PKHD1: variants seen among roughly 807,000 people sequenced by gnomAD.
The protein encoded by PKHD1 is fibrocystin.
A neutral mutation model predicts 412.0 loss-of-function variants in PKHD1; 291 were observed. The ratio of observed to expected loss-of-function variants is 0.71; its 90% CI spans 0.64 to 0.78. The LOEUF is 0.78. PKHD1 is among the 30% of genes least tolerant of loss of function. The pLI is 0.00. For missense variants in PKHD1, 4,825 were observed against 4,950.7 expected, an observed-to-expected ratio of 0.97 and a Z score of 0.76; for synonymous variants, 1,777 against 1,821.5, an observed-to-expected ratio of 0.98 and a Z score of 0.62.
Position 52,066,060 on chromosome 6 carries a change from GA to G in PKHD1, c.795del (p.Pro266GlnfsTer53). Reference sequence around the variant, plus strand: ...CTTCCCCCAAGGCTCCCAGTTTCTGGAAACACAGATAATATTTCTGCAAGAG... The same window carrying G: ...CTTCCCCCAAGGCTCCCAGTTTCTGGAACACAGATAATATTTCTGCAAGAG... Reference protein sequence around the residue: ...YQTHSEILSVFPETGSLGGRT... With the variant: ...YQTHSEILSVXPETGSLGGRT... On this transcript the variant is annotated frameshift_variant, in exon 12 of 67. Transcript: ENST00000371117. LOFTEE classifies it high-confidence loss of function. 1 of 1,536,516 alleles carries G rather than the reference GA, an allele frequency of 6.5e-7. No homozygotes were observed. The highest frequency in any genetic ancestry group is 9.0e-7 in the Non-Finnish European group (1 of 1,116,316).
At chr6:51,805,409 GA>G (rs1291049562) in intron 52 of PKHD1, among the ~76,000 whole-genome samples, 5 of 152,188 alleles carry the variant, frequency 3.3e-5, no homozygotes, top group Admixed American at 6.5e-5. Flanking sequence ...AAGGGCTGAA[GA>G]GCTACCTATT....
chr6:52,073,374 T>C (rs1437150746), intron 7 of PKHD1, 89 bp downstream of exon 7: 5 of 855,872 alleles, frequency 5.8e-6, no homozygotes, highest in Non-Finnish European at 1.0e-5. Context: ...GCCAACTGCT[T>C]ACAATTTATT....
chr6:51,779,593 C>G (rs112854922), intron 53 of PKHD1, among the ~76,000 whole-genome samples: 221 of 152,146 alleles, frequency 1.5e-3, no homozygotes, highest in African/African-American at 5.1e-3. Flanking sequence ...TTTACCAACC[C>G]TCCTGGAGAA....
chr6:51,732,530 A>G (rs1783352197), intron 60 of PKHD1, among the ~76,000 whole-genome samples: 1 of 152,208 alleles, frequency 6.6e-6, no homozygotes, highest in African/African-American at 2.4e-5. Context: ...ATTAACAATG[A>G]CTCCATGAAA....
intron 52 of PKHD1, among the ~76,000 whole-genome samples, chr6:51,807,152 G>C (rs1444298429): frequency 1.3e-5 from 2 of 151,940 alleles, no homozygotes; most frequent in Admixed American, 6.6e-5. Flanking sequence ...ATCTGGCCAG[G>C]CATGGTGACT....
intron 50 of PKHD1, among the ~76,000 whole-genome samples, chr6:51,841,621 T>C (rs1770225561): frequency 6.6e-6 from 1 of 152,190 alleles, no homozygotes; most frequent in African/African-American, 2.4e-5. Context: ...GAATGTAAAT[T>C]AATTTATTAA....
chr6:51,672,880 A>T (rs2150513283), intron 60 of PKHD1, among the ~76,000 whole-genome samples: 1 of 152,342 alleles, frequency 6.6e-6, no homozygotes, highest in South Asian at 2.1e-4. Flanking sequence ...ACTTAAGTTC[A>T]TGATTTTGAA....
Position 51,952,911 on chromosome 6 carries a change from A to T in PKHD1, c.5908+6959T>A, listed in dbSNP as rs569350875. On this transcript the variant is annotated intron_variant, in intron 36 of 66. Transcript: ENST00000371117. ...CCACAGAGTTGCACACACACAAACA[A>T]CATTAACATCCAGTAGAGGTTTATA... Among the ~76,000 whole-genome samples the T allele has an allele frequency of 2.0e-5, 3 of 152,188 alleles. No homozygotes were observed. In the South Asian group the frequency reaches 6.2e-4, roughly 32 times the overall value.
At chr6:51,786,852 C>A (rs142106272) in intron 53 of PKHD1, among the ~76,000 whole-genome samples, 1 of 152,148 alleles carries the variant, frequency 6.6e-6, no homozygotes, top group Non-Finnish European at 1.5e-5. Flanking sequence ...AAAGAATGGA[C>A]ACACATGTGA....
intron 60 of PKHD1, among the ~76,000 whole-genome samples, chr6:51,693,819 C>T (rs552078126): frequency 6.6e-6 from 1 of 152,240 alleles, no homozygotes; most frequent in African/African-American, 2.4e-5. Flanking sequence ...GCTTTATAAG[C>T]ATTAATTCAT....
intron 60 of PKHD1, among the ~76,000 whole-genome samples, chr6:51,686,167 T>C (rs1472487630): frequency 6.6e-6 from 1 of 152,144 alleles, no homozygotes; most frequent in Non-Finnish European, 1.5e-5. Context: ...AGATTCAAGG[T>C]GAGAAGGTTT....
At chr6:52,004,819 T>C (rs1297006650) in intron 35 of PKHD1, among the ~76,000 whole-genome samples, 1 of 152,192 alleles carries the variant, frequency 6.6e-6, no homozygotes, top group Non-Finnish European at 1.5e-5. Context: ...AATCTTCTAG[T>C]ACTGTGCTGT....
At chr6:51,676,693 A>C (rs183091551) in intron 60 of PKHD1, among the ~76,000 whole-genome samples, 1 of 152,228 alleles carries the variant, frequency 6.6e-6, no homozygotes, top group Non-Finnish European at 1.5e-5. Context: ...ATATGTTGTC[A>C]CAGGCCCTCA....
chr6:51,705,416 T>C (rs142890456), intron 60 of PKHD1, among the ~76,000 whole-genome samples: 1 of 152,062 alleles, frequency 6.6e-6, no homozygotes, highest in Admixed American at 6.6e-5. Context: ...GAAGAGTCAA[T>C]GTGGGCAGAC....
At chr6:51,990,850 A>G (rs1796966947) in intron 35 of PKHD1, among the ~76,000 whole-genome samples, 1 of 152,158 alleles carries the variant, frequency 6.6e-6, no homozygotes. Context: ...TTTCAAACTC[A>G]TAGCTCCAAC....
In PKHD1 at chr6:52,046,130, A is replaced by T; in HGVS notation, c.2466T>A (p.Asp822Glu). The change falls in exon 24 of 67, where the codon GAT (aspartate) becomes GAA (glutamate). Residue 822 changes from aspartate (D) to glutamate (E), a missense_variant. Transcript: ENST00000371117. The stretch of plus-strand genomic sequence containing the variant: ...CATTGAGGTACCTGGATGTGAAGTC[A>T]TCGGCATTATTCTGTAAGAGCTGGT... ...HLHQLLQNNA[D>E]DFTSRYLNAS... 6.2e-7 allele frequency: 1 copy of T among 1,613,660 alleles called. No homozygotes were observed. The highest frequency in any genetic ancestry group is 8.5e-7 in the Non-Finnish European group (1 of 1,179,546).
intron 43 of PKHD1, among the ~76,000 whole-genome samples, chr6:51,902,366 C>A (rs539494359): frequency 6.6e-6 from 1 of 152,186 alleles, no homozygotes; most frequent in African/African-American, 2.4e-5. Context: ...AAGTTAAATG[C>A]AGCTCCAGCT....
intron 21 of PKHD1, 119 bp downstream of exon 21, chr6:52,052,957 G>T: frequency 1.1e-6 from 1 of 873,394 alleles, no homozygotes; most frequent in Non-Finnish European, 1.9e-6. Flanking sequence ...CTAGAGCCAA[G>T]GCAGGCAAAA....
intron 46 of PKHD1, among the ~76,000 whole-genome samples, chr6:51,874,574 G>C (rs1776543679): frequency 6.6e-6 from 1 of 152,088 alleles, no homozygotes; most frequent in Non-Finnish European, 1.5e-5. Flanking sequence ...ACAGATAATT[G>C]TATGCCACCA....
Sources: gnomAD v4.1 joint callset for allele counts (sites outside exome capture counted in the v4.1 genomes callset) on GRCh38, gnomAD v4.1.1 for gene constraint, MANE v1.5 for transcripts, NCBI Gene and HGNC (gene_info 2026-07-23, HGNC 2026-07-21) for gene names.